Variants in NT5DC1 observed in about 807,000 individuals in gnomAD.
NT5DC1 encodes the protein 5'-nucleotidase domain containing 1, also known as 5'-nucleotidase domain-containing protein 1.
A neutral mutation model predicts 59.4 loss-of-function variants in NT5DC1; 42 were observed. That is an observed-to-expected ratio of 0.71 (90% CI 0.55 to 0.92). The LOEUF (loss-of-function observed/expected upper bound fraction) is 0.92, where lower values mean the gene tolerates loss of function less well. NT5DC1 is among the 40% of genes least tolerant of loss of function. The pLI, the probability that NT5DC1 is intolerant of heterozygous loss-of-function variation, is 0.00. For missense variants in NT5DC1, 501 were observed against 537.1 expected (o/e 0.93, Z 0.66); for synonymous variants, 172 against 188.1 (o/e 0.91, Z 0.70).
intron 8 of NT5DC1, among the ~76,000 whole-genome samples, chr6:116,234,796 C>T (rs1212328803): frequency 6.6e-6 from 1 of 152,204 alleles, no homozygotes; most frequent in African/African-American, 2.4e-5. Flanking sequence ...TTCCTCTGTA[C>T]TGTACAGCTT....
rs571252956 is a variant in NT5DC1, at chr6:116,121,747, A to G, written c.529+3802A>G. 5 of 1,613,364 alleles carry G rather than the reference A, an allele frequency of 3.1e-6. No individual in the cohort carries two copies. The East Asian group carries it at 1.1e-4, about 36-fold the overall frequency. The stretch of plus-strand genomic sequence containing the variant: ...CTGGTCCAACATCTCCTTTTGGTCC[A>G]TATGGTCCTCTCTCTCCTGGTTTTC... On this transcript the variant is annotated intron_variant, in intron 6 of 11. Coordinates refer to ENST00000319550, the MANE Select transcript of NT5DC1 (RefSeq NM_152729.3).
chr6:116,125,594 A>T, intron 6 of NT5DC1: 1 of 1,192,716 alleles, frequency 8.4e-7, no homozygotes, highest in South Asian at 1.3e-5. Context: ...TTCTTTATAC[A>T]GTTATCTACT....
At chr6:116,118,272 A>G (rs750765894) in intron 6 of NT5DC1, among the ~76,000 whole-genome samples, 2 of 152,136 alleles carry the variant, frequency 1.3e-5, no homozygotes, top group Non-Finnish European at 2.9e-5. Flanking sequence ...ACTTGTAACC[A>G]TTAGTGTAGT....
chr6:116,135,399 G>A (rs577671239), intron 6 of NT5DC1, among the ~76,000 whole-genome samples: 27 of 151,696 alleles, frequency 1.8e-4, no homozygotes, highest in African/African-American at 6.3e-4. Context: ...TTTTTCTGTA[G>A]CATCCATAAC....
intron 6 of NT5DC1, among the ~76,000 whole-genome samples, chr6:116,188,412 A>C (rs1353774314): frequency 6.6e-6 from 1 of 152,060 alleles, no homozygotes; most frequent in Admixed American, 6.6e-5. Flanking sequence ...ATATCCCTCA[A>C]TAGTGCAGTT....
chr6:116,194,308 GT>G lies in NT5DC1; in HGVS notation c.530-26742del, dbSNP rs1331240177. Among the ~76,000 whole-genome samples, 3 of 152,080 alleles carry G rather than the reference GT, an allele frequency of 2.0e-5. No individual in the cohort carries two copies. In the East Asian group the frequency reaches 5.8e-4, roughly 29 times the overall value. On this transcript the variant is annotated intron_variant, in intron 6 of 11. Transcript: ENST00000319550. ...GAAATGCAATTCTAGCACATTACTT[GT>G]TTTCACAACAAGTAATATTTATATT...
At chr6:116,107,619 C>G (rs977598738) in intron 2 of NT5DC1, among the ~76,000 whole-genome samples, 1 of 150,918 alleles carries the variant, frequency 6.6e-6, no homozygotes, top group Non-Finnish European at 1.5e-5. Context: ...GTCGCCCAGG[C>G]TGGAGTGCAG....
intron 6 of NT5DC1, chr6:116,158,845 T>G (rs1425912100): frequency 6.6e-6 from 1 of 152,204 alleles, no homozygotes; most frequent in Non-Finnish European, 1.5e-5. Context: ...AATGATGGTT[T>G]GCCTTCTGAT....
chr6:116,182,801 T>C (rs777692644), intron 6 of NT5DC1, among the ~76,000 whole-genome samples: 15 of 152,120 alleles, frequency 9.9e-5, no homozygotes, highest in Non-Finnish European at 1.3e-4. Flanking sequence ...TTGTTGGATG[T>C]ATAGATTGTA....
At chr6:116,224,643 A>G (rs1428000272) in intron 8 of NT5DC1, among the ~76,000 whole-genome samples, 1 of 152,174 alleles carries the variant, frequency 6.6e-6, no homozygotes, top group African/African-American at 2.4e-5. Flanking sequence ...GCCCAGTAAG[A>G]GAGTAGTTTT....
intron 6 of NT5DC1, among the ~76,000 whole-genome samples, chr6:116,153,708 G>C (rs1780110297): frequency 6.6e-6 from 1 of 152,090 alleles, no homozygotes; most frequent in African/African-American, 2.4e-5. Flanking sequence ...GCAACAGACA[G>C]TTGGAGTTCA....
At chr6:116,141,078 A>C (rs1217586501) in intron 6 of NT5DC1, among the ~76,000 whole-genome samples, 1 of 152,152 alleles carries the variant, frequency 6.6e-6, no homozygotes, top group East Asian at 1.9e-4. Flanking sequence ...ATAAGGGTAC[A>C]CCCACTTGGT....
Position 116,100,980 on chromosome 6 carries a change from T to A in NT5DC1, c.50T>A (p.Leu17Gln). The stretch of plus-strand genomic sequence containing the variant: ...GCCTGCGACGTGGTCGGATTCGACC[T>A]GGACCACACTCTGTGTCGCTACAAC... The part of the protein sequence containing the change: ...LAACDVVGFD[L>Q]DHTLCRYNLP... Residue 17 changes from leucine (L) to glutamine (Q), a missense_variant, in exon 1 of 12, where the codon CTG becomes CAG. Physicochemically the swap from Leu to Gln is moderately radical, Grantham distance 113. Coordinates refer to ENST00000319550, the MANE Select transcript of NT5DC1 (RefSeq NM_152729.3). 1.2e-6 allele frequency: 2 copies of A among 1,605,634 alleles called. No homozygotes were observed. Among genetic ancestry groups the A allele is most frequent in the Non-Finnish European group, 1.7e-6 (2 of 1,177,084 alleles).
intron 6 of NT5DC1, among the ~76,000 whole-genome samples, chr6:116,176,051 A>G (rs1235091510): frequency 6.6e-6 from 1 of 152,172 alleles, no homozygotes; most frequent in Non-Finnish European, 1.5e-5. Flanking sequence ...CAGTATTTAC[A>G]CCTCAAAATG....
chr6:116,109,800 G>T (rs1210428706), intron 3 of NT5DC1, among the ~76,000 whole-genome samples: 1 of 151,200 alleles, frequency 6.6e-6, no homozygotes, highest in Non-Finnish European at 1.5e-5. Context: ...ATATTATTTT[G>T]TTGCCACATT....
intron 6 of NT5DC1, among the ~76,000 whole-genome samples, chr6:116,206,542 A>G (rs1450718071): frequency 6.6e-6 from 1 of 151,994 alleles, no homozygotes; most frequent in Non-Finnish European, 1.5e-5. Context: ...CTACTCTGGT[A>G]CAGAACTTTG....
chr6:116,148,546 T>A (rs1216154070), intron 6 of NT5DC1, among the ~76,000 whole-genome samples: 1 of 152,162 alleles, frequency 6.6e-6, no homozygotes, highest in Non-Finnish European at 1.5e-5. Context: ...TTCATTGTAC[T>A]CAGAATGTGA....
intron 6 of NT5DC1, among the ~76,000 whole-genome samples, chr6:116,123,319 G>A (rs754669320): frequency 2.0e-5 from 3 of 152,196 alleles, no homozygotes; most frequent in Admixed American, 6.5e-5. Context: ...TTCTCAGTGC[G>A]AGAAAGAATT....
At chr6:116,188,631 T>A (rs1781053539) in intron 6 of NT5DC1, among the ~76,000 whole-genome samples, 1 of 151,694 alleles carries the variant, frequency 6.6e-6, no homozygotes, top group Admixed American at 6.6e-5. Flanking sequence ...AGTAAGGATG[T>A]ACCATAGATA....
Sources: gnomAD v4.1 joint callset for allele counts (sites outside exome capture counted in the v4.1 genomes callset) on GRCh38, gnomAD v4.1.1 for gene constraint, MANE v1.5 for transcripts, NCBI Gene and HGNC (gene_info 2026-07-23, HGNC 2026-07-21) for gene names.